Variants in PTPRN2 observed in about 807,000 individuals in gnomAD.
The protein encoded by PTPRN2 is protein tyrosine phosphatase receptor type N2, also known as receptor-type tyrosine-protein phosphatase N2.
Under a neutral mutation model 118.8 loss-of-function variants are expected in PTPRN2, and 74 were observed. The observed-to-expected ratio is 0.62, with a 90% CI of 0.52 to 0.76. The LOEUF (loss-of-function observed/expected upper bound fraction) is 0.76, where lower values mean the gene tolerates loss of function less well. Ranked by LOEUF, PTPRN2 falls within the 30% of genes least tolerant of loss-of-function variation. PTPRN2 has a pLI of 0.00. For missense variants in PTPRN2, 1,481 were observed against 1,394.4 expected (o/e 1.06, Z -0.99); for synonymous variants, 641 against 608.0 (o/e 1.05, Z -0.80).
At chr7:157,776,347 T>TCTC (rs1803244288) in intron 12 of PTPRN2, among the ~76,000 whole-genome samples, 1 of 66,086 alleles carries the variant, frequency 1.5e-5, no homozygotes, top group Non-Finnish European at 2.9e-5. Context: ...CTCCTCCTCC[T>TCTC]TCTCCTCTTC....
chr7:158,543,472 C>A (rs1243473169), intron 1 of PTPRN2, among the ~76,000 whole-genome samples: 2 of 152,214 alleles, frequency 1.3e-5, no homozygotes, highest in Non-Finnish European at 2.9e-5. Context: ...ACTTTGTTTT[C>A]CTTCTTGTGG....
At chr7:157,753,237 C>T (rs1193832422) in intron 12 of PTPRN2, among the ~76,000 whole-genome samples, 2 of 152,214 alleles carry the variant, frequency 1.3e-5, no homozygotes, top group African/African-American at 2.4e-5. Context: ...ATGTGCCAGG[C>T]ATGTCTGCTG....
intron 15 of PTPRN2, among the ~76,000 whole-genome samples, chr7:157,612,470 A>G (rs1216823321): frequency 6.6e-6 from 1 of 152,252 alleles, no homozygotes; most frequent in African/African-American, 2.4e-5. Context: ...AGCAGGGGGC[A>G]GCTCACACGC....
chr7:158,109,960 C>T (rs1008040807), intron 10 of PTPRN2, among the ~76,000 whole-genome samples: 1 of 152,074 alleles, frequency 6.6e-6, no homozygotes, highest in Non-Finnish European at 1.5e-5. Flanking sequence ...TGAATGACGT[C>T]ACCTGTGTGA....
chr7:158,121,596 G>C (rs993568467), intron 9 of PTPRN2, among the ~76,000 whole-genome samples: 1 of 152,176 alleles, frequency 6.6e-6, no homozygotes, highest in South Asian at 2.1e-4. Flanking sequence ...TGAGGACATG[G>C]GAGGGGCTCC....
chr7:158,161,827 C>CATATCTG (rs71198575), intron 6 of PTPRN2, among the ~76,000 whole-genome samples: 94,524 of 151,174 alleles, frequency 0.63, 30,555 homozygotes, highest in East Asian at 0.84. Flanking sequence ...TTACAAAAGA[C>CATATCTG]ATATCTGATA....
chr7:157,769,167 G>A (rs1189397080), intron 12 of PTPRN2, among the ~76,000 whole-genome samples: 1 of 152,170 alleles, frequency 6.6e-6, no homozygotes, highest in Non-Finnish European at 1.5e-5. Context: ...GAGGGCAGCG[G>A]TTGAATGTCC....
chr7:158,435,867 A>G (rs868539567), intron 2 of PTPRN2, among the ~76,000 whole-genome samples: 13 of 152,322 alleles, frequency 8.5e-5, no homozygotes, highest in Middle Eastern at 3.4e-3. Context: ...GGCATCTAAA[A>G]TAGTCCAATG....
At chr7:158,264,516 C>T (rs1797745007) in intron 3 of PTPRN2, among the ~76,000 whole-genome samples, 1 of 152,176 alleles carries the variant, frequency 6.6e-6, no homozygotes, top group African/African-American at 2.4e-5. Flanking sequence ...CCATGGGCCA[C>T]ACGTGACATG....
At chr7:157,706,359 G>A (rs1403109915) in intron 12 of PTPRN2, among the ~76,000 whole-genome samples, 3 of 149,966 alleles carry the variant, frequency 2.0e-5, no homozygotes, top group Non-Finnish European at 3.0e-5. Flanking sequence ...AGTGCCTTCC[G>A]GATCAACATG....
At chr7:158,327,327 A>T (rs1233962300) in intron 2 of PTPRN2, among the ~76,000 whole-genome samples, 1 of 151,478 alleles carries the variant, frequency 6.6e-6, no homozygotes, top group South Asian at 2.1e-4. Context: ...TCTCACATGC[A>T]CACACGTGCT....
intron 12 of PTPRN2, among the ~76,000 whole-genome samples, chr7:157,772,050 A>G (rs1386809372): frequency 6.6e-6 from 1 of 151,700 alleles, no homozygotes; most frequent in Non-Finnish European, 1.5e-5. Flanking sequence ...ACACCCACAC[A>G]TAGAAATACA....
chr7:157,941,900 C>G (rs1011391704), intron 11 of PTPRN2, among the ~76,000 whole-genome samples: 1 of 152,176 alleles, frequency 6.6e-6, no homozygotes, highest in African/African-American at 2.4e-5. Context: ...ACACAGCGCT[C>G]TCTGCAGGAC....
chr7:158,133,578 A>G, intron 9 of PTPRN2, 99 bp downstream of exon 9: 1 of 1,463,298 alleles, frequency 6.8e-7, no homozygotes, highest in Non-Finnish European at 9.1e-7. Flanking sequence ...GACACTTAAA[A>G]GCGTATGCAT....
intron 6 of PTPRN2, among the ~76,000 whole-genome samples, chr7:158,155,460 CCATCAT>C (rs1222475914): frequency 2.0e-5 from 3 of 150,926 alleles, no homozygotes; most frequent in Admixed American, 6.6e-5. Flanking sequence ...ACCATCATCA[CCATCAT>C]CATCACCATC....
chr7:158,314,677 G>A (rs1458661274), intron 3 of PTPRN2, among the ~76,000 whole-genome samples: 4 of 17,804 alleles, frequency 2.2e-4, no homozygotes, highest in Non-Finnish European at 5.9e-4. Context: ...CGCCACACGC[G>A]TTTCTCTCAA....
intron 2 of PTPRN2, among the ~76,000 whole-genome samples, chr7:158,341,348 A>G (rs1386802310): frequency 2.7e-5 from 4 of 150,118 alleles, no homozygotes; most frequent in South Asian, 2.1e-4. Context: ...CACTCTCACC[A>G]TAAGAGGTAA....
chr7:157,607,651 G>A (rs2150589953), intron 15 of PTPRN2, among the ~76,000 whole-genome samples: 1 of 152,360 alleles, frequency 6.6e-6, no homozygotes, highest in Admixed American at 6.5e-5. Context: ...CGTGCTGGGA[G>A]CTCCTCCTCA....
intron 2 of PTPRN2, among the ~76,000 whole-genome samples, chr7:158,340,125 C>T (rs1309841042): frequency 6.5e-5 from 5 of 77,350 alleles, no homozygotes; most frequent in African/African-American, 2.3e-4. Context: ...TAAGAGGTGA[C>T]ACCTGGAGAC....
Sources: gnomAD v4.1 joint callset for allele counts (sites outside exome capture counted in the v4.1 genomes callset) on GRCh38, gnomAD v4.1.1 for gene constraint, MANE v1.5 for transcripts, NCBI Gene and HGNC (gene_info 2026-07-23, HGNC 2026-07-21) for gene names.